The following ATP8A2 variants were observed in gnomAD, a reference collection of about 807,000 sequenced individuals.
ATP8A2 encodes the protein ATPase phospholipid transporting 8A2.
In ATP8A2, 100 loss-of-function variants were observed where a neutral mutation model predicts 165.6. That is an observed-to-expected ratio of 0.60 (90% CI 0.51 to 0.71). The LOEUF (loss-of-function observed/expected upper bound fraction) is 0.71. ATP8A2 is among the 30% of genes least tolerant of loss of function. ATP8A2 has a pLI of 0.00. For synonymous variants in ATP8A2, 543 were observed against 548.8 expected (o/e 0.99, Z 0.15); for missense variants, 1,227 against 1,479.5 (o/e 0.83, Z 2.80).
chr13:25,529,164 G>T (rs550092541), intron 2 of ATP8A2, among the ~76,000 whole-genome samples: 2 of 152,214 alleles, frequency 1.3e-5, no homozygotes, highest in African/African-American at 4.8e-5. Flanking sequence ...TTAAGAATAG[G>T]CTCAGAGTGA....
chr13:25,913,833 A>G (rs1234375572), intron 33 of ATP8A2, among the ~76,000 whole-genome samples: 2 of 152,182 alleles, frequency 1.3e-5, no homozygotes, highest in Non-Finnish European at 2.9e-5. Context: ...TATCCCAGAA[A>G]GTGTATCCTT....
chr13:25,849,085 A>G (rs1373948556), intron 30 of ATP8A2, among the ~76,000 whole-genome samples: 1 of 152,118 alleles, frequency 6.6e-6, no homozygotes, highest in Non-Finnish European at 1.5e-5. Context: ...GAAGCTCCTG[A>G]AGGGAAAGGA....
At chr13:25,775,957 A>G (rs1187128193) in intron 27 of ATP8A2, among the ~76,000 whole-genome samples, 3 of 152,216 alleles carry the variant, frequency 2.0e-5, no homozygotes. Flanking sequence ...TTCCTACTCA[A>G]TCATTCAGGT....
At chr13:25,475,817 TAGA>T (rs2035979151) in intron 2 of ATP8A2, among the ~76,000 whole-genome samples, 1 of 152,248 alleles carries the variant, frequency 6.6e-6, no homozygotes, top group Admixed American at 6.5e-5. Context: ...GTGTCTTCTT[TAGA>T]AAAGTGTCTG....
chr13:25,515,994 T>C (rs976397315), intron 2 of ATP8A2, among the ~76,000 whole-genome samples: 2 of 152,232 alleles, frequency 1.3e-5, no homozygotes, highest in East Asian at 1.9e-4. Context: ...TTGACAATTA[T>C]GTGAGAAATC....
intron 33 of ATP8A2, among the ~76,000 whole-genome samples, chr13:25,939,957 T>C (rs1197243181): frequency 6.6e-6 from 1 of 152,122 alleles, no homozygotes; most frequent in Non-Finnish European, 1.5e-5. Flanking sequence ...TGGTTCTGGG[T>C]TTCTGCCCTG....
intron 23 of ATP8A2, among the ~76,000 whole-genome samples, chr13:25,587,937 A>G (rs144807410): frequency 1.7e-4 from 26 of 152,364 alleles, no homozygotes; most frequent in African/African-American, 5.8e-4. Context: ...GTAAATGTAT[A>G]GAAAATTGCT....
At chr13:25,690,070 G>A (rs9578903) in intron 24 of ATP8A2, among the ~76,000 whole-genome samples, 15,925 of 151,308 alleles carry the variant, frequency 0.11, 948 homozygotes, top group East Asian at 0.26. Context: ...AATAAATTAA[G>A]CATATTAGGG....
intron 27 of ATP8A2, among the ~76,000 whole-genome samples, chr13:25,784,414 A>G (rs1024278767): frequency 6.6e-6 from 1 of 152,132 alleles, no homozygotes; most frequent in African/African-American, 2.4e-5. Context: ...ACGAATTCCA[A>G]TTTGCTTCCC....
At chr13:25,482,367 G>A (rs374750333) in intron 2 of ATP8A2, among the ~76,000 whole-genome samples, 12 of 152,158 alleles carry the variant, frequency 7.9e-5, no homozygotes, top group Admixed American at 6.6e-5. Context: ...TTGGGGGTGC[G>A]TGGTTAGTGG....
intron 27 of ATP8A2, among the ~76,000 whole-genome samples, chr13:25,803,639 CAT>C (rs1292611858): frequency 6.6e-6 from 1 of 152,222 alleles, no homozygotes; most frequent in Non-Finnish European, 1.5e-5. Context: ...CCCTCTTCCC[CAT>C]ATGTTAGTAT....
At chr13:25,720,284 C>T (rs970307370) in intron 25 of ATP8A2, among the ~76,000 whole-genome samples, 1 of 150,192 alleles carries the variant, frequency 6.7e-6, no homozygotes, top group African/African-American at 2.5e-5. Context: ...TCTCCTGCCT[C>T]AGCCTGTAGC....
At chr13:25,531,175 A>G (rs952600564) in intron 4 of ATP8A2, among the ~76,000 whole-genome samples, 21 of 83,672 alleles carry the variant, frequency 2.5e-4, no homozygotes, top group African/African-American at 9.7e-4. Context: ...ATGTTATATG[A>G]TATATATATG....
Position 25,589,582 on chromosome 13 carries a change from G to A in ATP8A2, c.2147-53G>A, listed in dbSNP as rs1593596152. On this transcript the variant is annotated intron_variant, in intron 23 of 36. Transcript: ENST00000381655. ...ATATAACCAAGGAGGTTGAATTTAA[G>A]GAGCTCACAGAAGGAAAGAGAAATT... 9.5e-6 allele frequency: 13 copies of A among 1,371,798 alleles called. No homozygotes were observed. In the East Asian group the frequency reaches 2.8e-4, roughly 29 times the overall value. 85.0% of individuals were successfully genotyped at this position (1,371,798 alleles called of 1,614,324 possible).
chr13:25,914,648 T>C (rs940629336), intron 33 of ATP8A2, among the ~76,000 whole-genome samples: 6 of 152,188 alleles, frequency 3.9e-5, no homozygotes, highest in Non-Finnish European at 5.9e-5. Context: ...ACTACAGCAG[T>C]TACTCCAAAC....
intron 24 of ATP8A2, among the ~76,000 whole-genome samples, chr13:25,690,953 A>G (rs1478862154): frequency 1.3e-5 from 2 of 152,218 alleles, no homozygotes; most frequent in African/African-American, 4.8e-5. Flanking sequence ...CCAAATGTCC[A>G]ATAATAGGTG....
In ATP8A2 at chr13:25,529,994, T is replaced by TA. The variant is rs1593468888; in HGVS notation, c.222-4dup. The stretch of plus-strand genomic sequence containing the variant: ...TGATAGTATTATTTTTCTTTGCACT[T>TA]ACAGTACGGCCAAGTACAGCGTGTT... On this transcript the variant is annotated splice_polypyrimidine_tract_variant and splice_region_variant and intron_variant, in intron 2 of 36. Transcript: ENST00000381655. 2 of 1,583,782 alleles carry TA rather than the reference T, an allele frequency of 1.3e-6. No individual in the cohort carries two copies. Among genetic ancestry groups the TA allele is most frequent in the Non-Finnish European group, 1.7e-6 (2 of 1,154,894 alleles).
chr13:25,467,963 G>A (rs573906416), intron 1 of ATP8A2, among the ~76,000 whole-genome samples: 1 of 152,208 alleles, frequency 6.6e-6, no homozygotes, highest in Non-Finnish European at 1.5e-5. Context: ...GTCTTCATCT[G>A]TAGAGTATTA....
At chr13:25,868,391 A>G (rs999584899) in intron 33 of ATP8A2, among the ~76,000 whole-genome samples, 4 of 152,220 alleles carry the variant, frequency 2.6e-5, no homozygotes, top group Non-Finnish European at 1.5e-5. Context: ...AACCCGTGGC[A>G]TGGCTGGTGA....
Sources: gnomAD v4.1 joint callset for allele counts (sites outside exome capture counted in the v4.1 genomes callset) on GRCh38, gnomAD v4.1.1 for gene constraint, MANE v1.5 for transcripts, NCBI Gene and HGNC (gene_info 2026-07-23, HGNC 2026-07-21) for gene names.